Variants in PDE1C observed in about 807,000 individuals in gnomAD.
PDE1C encodes dual specificity calcium/calmodulin-dependent 3',5'-cyclic nucleotide phosphodiesterase 1C.
In PDE1C, 62 loss-of-function variants were observed where a neutral mutation model predicts 93.1. The ratio of observed to expected loss-of-function variants is 0.67; its 90% CI spans 0.54 to 0.82. The LOEUF (loss-of-function observed/expected upper bound fraction) is 0.82, where lower values mean the gene tolerates loss of function less well. PDE1C is among the 40% of genes least tolerant of loss of function. The pLI is 0.00. For synonymous variants in PDE1C, 325 were observed against 310.1 expected, an observed-to-expected ratio of 1.05 and a Z score of -0.50; for missense variants, 742 against 884.6, an observed-to-expected ratio of 0.84 and a Z score of 2.04.
chr7:32,056,470 CT>C (rs1794123605), intron 1 of PDE1C, among the ~76,000 whole-genome samples: 2 of 151,938 alleles, frequency 1.3e-5, no homozygotes, highest in African/African-American at 2.4e-5. Context: ...CTCAAGATCA[CT>C]TGCCTGAGCT....
the PDE1C span, among the ~76,000 whole-genome samples, chr7:31,713,735 G>A: frequency 3.3e-4 from 50 of 152,220 alleles, no homozygotes; most frequent in Non-Finnish European, 1.0e-4. Flanking sequence ...CTGTGCACTC[G>A]CAGGCTCAAC....
chr7:31,692,653 G>C, the PDE1C span: 1 of 767,056 alleles, frequency 1.3e-6, no homozygotes, highest in Admixed American at 2.5e-5. Flanking sequence ...TCTGGTGACA[G>C]CCAACACCAG....
At chr7:31,765,434 A>G (rs1795083143) in intron 17 of PDE1C, among the ~76,000 whole-genome samples, 1 of 152,066 alleles carries the variant, frequency 6.6e-6, no homozygotes, top group Non-Finnish European at 1.5e-5. Context: ...TATTTTGGAG[A>G]TAACGCAAGC....
At chr7:32,208,454 G>A (rs1389403920) in intron 2 of PDE1C, among the ~76,000 whole-genome samples, 1 of 151,774 alleles carries the variant, frequency 6.6e-6, no homozygotes, top group African/African-American at 2.4e-5. Context: ...AAGTCTTTTT[G>A]TAGTCAATAC....
At chr7:32,295,437 A>G (rs1258281618) in intron 1 of PDE1C, among the ~76,000 whole-genome samples, 1 of 152,332 alleles carries the variant, frequency 6.6e-6, no homozygotes, top group East Asian at 1.9e-4. Context: ...CTCCTAAAAC[A>G]GGGGTCATAA....
chr7:32,125,816 T>G (rs1290738269), intron 3 of PDE1C, among the ~76,000 whole-genome samples: 1 of 152,080 alleles, frequency 6.6e-6, no homozygotes, highest in Non-Finnish European at 1.5e-5. Context: ...CTGCACATTC[T>G]GCATATGTAT....
At chr7:31,983,258 T>C (rs553902971) in intron 2 of PDE1C, among the ~76,000 whole-genome samples, 5 of 152,286 alleles carry the variant, frequency 3.3e-5, no homozygotes, top group Admixed American at 1.3e-4. Context: ...ACACACTCCT[T>C]AGTGAACTCA....
chr7:31,927,169 C>T (rs56220131), intron 2 of PDE1C, among the ~76,000 whole-genome samples: 2 of 151,538 alleles, frequency 1.3e-5, no homozygotes, highest in Admixed American at 1.3e-4. Flanking sequence ...GGTGGTTAAA[C>T]CCCTCACAGT....
At chr7:32,033,275 C>T (rs991104615) in intron 2 of PDE1C, among the ~76,000 whole-genome samples, 9 of 152,044 alleles carry the variant, frequency 5.9e-5, no homozygotes, top group South Asian at 2.1e-4. Flanking sequence ...AAGGGAGAAG[C>T]GAGCCATGAA....
At chr7:32,276,735 C>G (rs1469103639) in intron 1 of PDE1C, among the ~76,000 whole-genome samples, 1 of 152,064 alleles carries the variant, frequency 6.6e-6, no homozygotes, top group Non-Finnish European at 1.5e-5. Context: ...ATTAAATGAG[C>G]CTGTGAAGGT....
intron 16 of PDE1C, among the ~76,000 whole-genome samples, chr7:31,794,011 GA>G (rs1784896122): frequency 8.7e-6 from 1 of 114,758 alleles, no homozygotes; most frequent in African/African-American, 4.1e-5. Context: ...TAGATAGATA[GA>G]TAGATAGATA....
intron 1 of PDE1C, 91 bp from the exon 2 acceptor site, chr7:32,051,671 G>T (rs960025677): frequency 7.9e-6 from 8 of 1,015,248 alleles, no homozygotes; most frequent in Non-Finnish European, 9.4e-6. Flanking sequence ...GGGCATGGGG[G>T]TCAACACTTC....
chr7:31,839,066 A>G (rs1791484675), intron 9 of PDE1C, among the ~76,000 whole-genome samples: 1 of 148,368 alleles, frequency 6.7e-6, no homozygotes, highest in South Asian at 2.1e-4. Context: ...ATACATATTT[A>G]TTATATACAT....
At chr7:31,921,750 T>G (rs1802650424) in intron 2 of PDE1C, among the ~76,000 whole-genome samples, 1 of 152,230 alleles carries the variant, frequency 6.6e-6, no homozygotes. Context: ...AGATATCTAT[T>G]TTTAAATAAA....
the PDE1C span, among the ~76,000 whole-genome samples, chr7:31,714,522 G>C: frequency 6.6e-6 from 1 of 152,144 alleles, no homozygotes; most frequent in Non-Finnish European, 1.5e-5. Flanking sequence ...CTTTTCGGCA[G>C]TGCCCCACTC....
chr7:32,222,990 TAG>T (rs1380918629), intron 1 of PDE1C, among the ~76,000 whole-genome samples: 1 of 152,178 alleles, frequency 6.6e-6, no homozygotes, highest in Admixed American at 6.5e-5. Flanking sequence ...ACTTTTAAAA[TAG>T]ATCCTAAACT....
upstream of PDE1C, among the ~76,000 whole-genome samples, chr7:32,075,502 C>T (rs1188804860): frequency 6.6e-6 from 1 of 152,116 alleles, no homozygotes; most frequent in Non-Finnish European, 1.5e-5. Context: ...TTTGGCGACA[C>T]TGTTACCCTG....
chr7:32,278,717 C>T (rs185269937), intron 1 of PDE1C, among the ~76,000 whole-genome samples: 2 of 152,256 alleles, frequency 1.3e-5, no homozygotes, highest in East Asian at 3.9e-4. Flanking sequence ...AGTTATGATC[C>T]AGTAATTTTT....
At chr7:31,628,061 A>G in the PDE1C span, among the ~76,000 whole-genome samples, 1 of 152,218 alleles carries the variant, frequency 6.6e-6, no homozygotes, top group Admixed American at 6.5e-5. Flanking sequence ...CTAAAAAAGC[A>G]GAGGGAGCCG....
Sources: gnomAD v4.1 joint callset for allele counts (sites outside exome capture counted in the v4.1 genomes callset) on GRCh38, gnomAD v4.1.1 for gene constraint, MANE v1.5 for transcripts, NCBI Gene and HGNC (gene_info 2026-07-23, HGNC 2026-07-21) for gene names.